The following PCSK5 variants were observed in gnomAD, a reference collection of about 807,000 sequenced individuals.
PCSK5 encodes prohormone convertase 5.
In PCSK5, 129 loss-of-function variants were observed where a neutral mutation model predicts 233.2. The ratio of observed to expected loss-of-function variants is 0.55; its 90% CI spans 0.48 to 0.64. The LOEUF (loss-of-function observed/expected upper bound fraction) is 0.64. Ranked by LOEUF, PCSK5 falls within the 30% of genes least tolerant of loss-of-function variation. PCSK5 has a pLI of 0.00. For missense variants in PCSK5, 2,076 were observed against 2,430.1 expected, an observed-to-expected ratio of 0.85 and a Z score of 3.06; for synonymous variants, 825 against 879.2, an observed-to-expected ratio of 0.94 and a Z score of 1.09.
At chr9:76,271,315 T>C (rs1424840885) in intron 24 of PCSK5, among the ~76,000 whole-genome samples, 1 of 152,198 alleles carries the variant, frequency 6.6e-6, no homozygotes, top group Non-Finnish European at 1.5e-5. Context: ...CACTCCCCTC[T>C]GCATTAACCT....
chr9:76,092,167 C>T (rs1354311885), intron 7 of PCSK5, among the ~76,000 whole-genome samples: 4 of 152,100 alleles, frequency 2.6e-5, no homozygotes, highest in African/African-American at 9.7e-5. Context: ...GCAAAAGATA[C>T]ATCTATTCTT....
chr9:76,161,555 C>T (rs184035503), intron 12 of PCSK5, among the ~76,000 whole-genome samples: 40 of 151,352 alleles, frequency 2.6e-4, no homozygotes, highest in Admixed American at 2.4e-3. Flanking sequence ...CGTGTTCCCC[C>T]GAGCCCCCTT....
intron 25 of PCSK5, among the ~76,000 whole-genome samples, chr9:76,294,546 G>C (rs1334671174): frequency 6.6e-6 from 1 of 152,064 alleles, no homozygotes; most frequent in Non-Finnish European, 1.5e-5. Flanking sequence ...CACAGACTTT[G>C]GTTAAAATCC....
intron 9 of PCSK5, among the ~76,000 whole-genome samples, chr9:76,117,010 A>G (rs936943577): frequency 4.7e-5 from 7 of 147,680 alleles, no homozygotes; most frequent in Non-Finnish European, 1.1e-4. Context: ...TAAACTCTAA[A>G]TCTTGATTGA....
At chr9:76,008,808 G>T (rs1056612182) in intron 3 of PCSK5, among the ~76,000 whole-genome samples, 1 of 152,194 alleles carries the variant, frequency 6.6e-6, no homozygotes, top group Non-Finnish European at 1.5e-5. Flanking sequence ...GTTAATTAAA[G>T]TTGGAGATGT....
chr9:76,062,125 G>A (rs535814053), intron 5 of PCSK5, among the ~76,000 whole-genome samples: 2 of 152,246 alleles, frequency 1.3e-5, no homozygotes, highest in East Asian at 1.9e-4. Context: ...GTGCACACCT[G>A]TAGTCCTGGC....
In PCSK5 at chr9:76,228,252, C is replaced by T. The variant is rs550347017; in HGVS notation, c.2729+647C>T. On this transcript the variant is annotated intron_variant, in intron 21 of 37. Coordinates refer to ENST00000674117, the MANE Select transcript of PCSK5 (RefSeq NM_001372043.1). ...ACCTCCTGCCCTCAGGTGATCTGCC[C>T]GCCTCAGCCTCCCAAAGTGCTGGGG... Among the ~76,000 whole-genome samples, 132 of 152,110 alleles carry T rather than the reference C, an allele frequency of 8.7e-4. 1 individual carries two copies. Among genetic ancestry groups the T allele is most frequent in the Non-Finnish European group, 1.7e-3 (113 of 68,004 alleles).
chr9:76,316,740 C>CAAAAAAA (rs58485029), intron 30 of PCSK5, among the ~76,000 whole-genome samples: 1 of 64,636 alleles, frequency 1.5e-5, no homozygotes, highest in African/African-American at 6.5e-5. Context: ...CTTGTCTCAC[C>CAAAAAAA]AAAAAAAAAA....
chr9:76,205,061 T>C, intron 20 of PCSK5: 1 of 515,776 alleles, frequency 1.9e-6, no homozygotes, highest in South Asian at 1.4e-5. Flanking sequence ...TACCAAAAGC[T>C]GAAAAATTGT....
chr9:76,002,146 AC>A (rs1431339262), intron 3 of PCSK5, among the ~76,000 whole-genome samples: 15 of 152,300 alleles, frequency 9.8e-5, no homozygotes, highest in Admixed American at 9.2e-4. Flanking sequence ...GCTAGAGATA[AC>A]AAGTATGAAA....
intron 24 of PCSK5, among the ~76,000 whole-genome samples, chr9:76,285,651 C>T (rs1158373155): frequency 6.6e-6 from 1 of 152,060 alleles, no homozygotes; most frequent in East Asian, 1.9e-4. Context: ...AATTACCCCC[C>T]CACCACCAGT....
At chr9:75,928,638 T>TATAA (rs1491404962) in intron 1 of PCSK5, among the ~76,000 whole-genome samples, 33 of 128,590 alleles carry the variant, frequency 2.6e-4, no homozygotes, top group African/African-American at 7.8e-4. Context: ...TATATATATA[T>TATAA]AATCCTAGAA....
intron 24 of PCSK5, among the ~76,000 whole-genome samples, chr9:76,266,496 A>T (rs971765318): frequency 1.6e-4 from 24 of 152,160 alleles, no homozygotes; most frequent in African/African-American, 5.6e-4. Flanking sequence ...TAACATTGAT[A>T]AAAAAACGTT....
intron 9 of PCSK5, among the ~76,000 whole-genome samples, chr9:76,110,326 C>G (rs1045759284): frequency 1.3e-5 from 2 of 152,182 alleles, no homozygotes; most frequent in Non-Finnish European, 2.9e-5. Context: ...TCCTAGCTAT[C>G]CCTGTACTGT....
chr9:76,269,558 G>T (rs933626889), intron 24 of PCSK5, among the ~76,000 whole-genome samples: 1 of 152,100 alleles, frequency 6.6e-6, no homozygotes, highest in Non-Finnish European at 1.5e-5. Flanking sequence ...ATTTCCACCC[G>T]GCAGTATACA....
chr9:76,216,001 T>C (rs1465451226), intron 20 of PCSK5, among the ~76,000 whole-genome samples: 1 of 152,032 alleles, frequency 6.6e-6, no homozygotes, highest in Non-Finnish European at 1.5e-5. Flanking sequence ...GGGGGAGAGT[T>C]TGAAGGCACT....
At chr9:76,275,417 T>G (rs372622638) in intron 24 of PCSK5, among the ~76,000 whole-genome samples, 12 of 152,192 alleles carry the variant, frequency 7.9e-5, no homozygotes, top group Admixed American at 1.3e-4. Context: ...TTTGGTTTTT[T>G]GGGGGTTTTT....
intron 33 of PCSK5, among the ~76,000 whole-genome samples, chr9:76,331,874 C>A (rs1051004299): frequency 2.0e-5 from 3 of 152,150 alleles, no homozygotes; most frequent in African/African-American, 7.2e-5. Context: ...AGGAACAGAG[C>A]CCTGTGGATC....
intron 5 of PCSK5, 145 bp from the exon 6 acceptor site, chr9:76,067,810 G>C (rs1830338169): frequency 3.1e-6 from 2 of 648,392 alleles, no homozygotes; most frequent in Admixed American, 4.6e-5. Flanking sequence ...GTTTGCCATG[G>C]ACAGACAAAG....
Sources: allele counts gnomAD v4.1 joint callset (sites outside exome capture counted in the v4.1 genomes callset), GRCh38; gene constraint gnomAD v4.1.1; transcripts MANE v1.5; gene names NCBI Gene and HGNC (gene_info 2026-07-23, HGNC 2026-07-21).